IRAK4: variants seen among roughly 807,000 people sequenced by gnomAD.
IRAK4 encodes the protein interleukin 1 receptor associated kinase 4.
A neutral mutation model predicts 51.8 loss-of-function variants in IRAK4; 44 were observed. The observed-to-expected ratio is 0.85, with a 90% CI of 0.67 to 1.09. The LOEUF is 1.09. Among genes scored for constraint, IRAK4 ranks in the 50% least tolerant of loss-of-function variants. The pLI, the probability that IRAK4 is intolerant of heterozygous loss-of-function variation, is 0.00. For missense variants in IRAK4, 487 were observed against 538.0 expected (o/e 0.91, Z 0.94); for synonymous variants, 149 against 174.1 (o/e 0.86, Z 1.13).
At chr12:43,776,995 A>G (rs1565676847) in intron 6 of IRAK4, among the ~76,000 whole-genome samples, 1 of 152,232 alleles carries the variant, frequency 6.6e-6, no homozygotes, top group Admixed American at 6.5e-5. Context: ...TATTTGTGCC[A>G]TCATTGAAAA....
At chr12:43,768,312 C>G (rs1940386902) in intron 2 of IRAK4, 40 bp downstream of exon 2, 1 of 1,444,246 alleles carries the variant, frequency 6.9e-7, no homozygotes, top group African/African-American at 1.4e-5. Flanking sequence ...ATTCTTACAT[C>G]ACAATATGGA....
At chr12:43,786,027 T>C (rs549159157) in intron 10 of IRAK4, among the ~76,000 whole-genome samples, 6 of 151,782 alleles carry the variant, frequency 4.0e-5, no homozygotes, top group South Asian at 2.1e-4. Context: ...GGATTTGTCC[T>C]GTATGTCTTC....
intron 4 of IRAK4, 60 bp downstream of exon 4, chr12:43,772,422 A>T (rs1940865478): frequency 4.2e-6 from 6 of 1,438,788 alleles, no homozygotes; most frequent in African/African-American, 1.4e-5. Flanking sequence ...CCAGTGCTTT[A>T]AAAGAAAGCT....
chr12:43,773,605 C>G (rs1007539452), intron 5 of IRAK4, among the ~76,000 whole-genome samples: 1 of 152,126 alleles, frequency 6.6e-6, no homozygotes, highest in South Asian at 2.1e-4. Flanking sequence ...AAGATAGTCA[C>G]TCTTTGTCAT....
chr12:43,759,183 T>A (rs1348375839), intron 1 of IRAK4, 167 bp downstream of exon 1: 1 of 152,224 alleles, frequency 6.6e-6, no homozygotes, highest in Non-Finnish European at 1.5e-5. Flanking sequence ...CAGAGCTTAC[T>A]CCAGAAGAAA....
Position 43,768,127 on chromosome 12 carries a change from A to C in IRAK4, c.16A>C (p.Thr6Pro), listed in dbSNP as rs780540482. Residue 6 changes from threonine (T) to proline (P), a missense_variant, in exon 2 of 12, where the codon ACA (threonine) becomes CCA (proline). Physicochemically the swap from Thr to Pro is conservative, Grantham distance 38. Coordinates refer to ENST00000613694, the MANE Select transcript of IRAK4 (RefSeq NM_016123.4). MNKPI[T>P]PSTYVRCLNV... ...GGAATAGAAGATGAACAAACCCATAACACCATCAACATATGTGCGCTGCCT... is the reference window on the plus strand; with the variant it reads ...GGAATAGAAGATGAACAAACCCATACCACCATCAACATATGTGCGCTGCCT... 2 of 1,613,650 alleles carry C rather than the reference A, an allele frequency of 1.2e-6. No individual in the cohort carries two copies. Among genetic ancestry groups the C allele is most frequent in the Admixed American group, 3.3e-5 (2 of 59,950 alleles).
In IRAK4 at chr12:43,772,983, G is replaced by T; in HGVS notation, c.562G>T (p.Gly188Cys). The change falls in exon 5 of 12, where the codon GGT becomes TGT. Residue 188 changes from glycine (G) to cysteine (C), a missense_variant. Coordinates refer to ENST00000613694, the MANE Select transcript of IRAK4 (RefSeq NM_016123.4). ...CTTTGATGAACGACCCATTTCTGTT[G>T]GTGGTAATAAAATGGGAGAGGGAGG... ...NNFDERPISV[G>C]GNKMGEGGFG... The T allele has an allele frequency of 6.2e-7, 1 of 1,611,906 alleles. No individual in the cohort carries two copies. The highest frequency in any genetic ancestry group is 8.5e-7 in the Non-Finnish European group (1 of 1,178,544).
Position 43,773,965 on chromosome 12 carries a change from A to G in IRAK4, c.652A>G (p.Met218Val), listed in dbSNP as rs1782601241. The G allele has an allele frequency of 6.3e-7, 1 of 1,589,594 alleles. No individual in the cohort carries two copies. Among genetic ancestry groups the G allele is most frequent in the East Asian group, 2.2e-5 (1 of 44,714 alleles). The change falls in exon 6 of 12, where the codon ATG becomes GTG. Residue 218 changes from methionine to valine, a missense_variant and splice_region_variant. Met to Val is a conservative substitution (Grantham distance 21). Coordinates refer to ENST00000613694, the MANE Select transcript of IRAK4 (RefSeq NM_016123.4). ...TTVAVKKLAAMVDITTEELKQ... is the reference protein window; with the variant it reads ...TTVAVKKLAAVVDITTEELKQ... ...TACATTGTATATTTTATTTTTTCAG[A>G]TGGTTGACATTACTACTGAAGAACT...
intron 8 of IRAK4, among the ~76,000 whole-genome samples, chr12:43,781,700 C>G (rs954665407): frequency 4.6e-5 from 7 of 152,298 alleles, no homozygotes; most frequent in Admixed American, 4.6e-4. Flanking sequence ...GATTTTAAGA[C>G]TCCGCCATGC....
At chr12:43,778,118 T>C in intron 7 of IRAK4, 75 bp from the exon 8 acceptor site, 1 of 869,082 alleles carries the variant, frequency 1.2e-6, no homozygotes, top group Non-Finnish European at 1.9e-6. Context: ...CCTAGAAAAA[T>C]ATTCTGTGTT....
chr12:43,782,550 G>C, intron 9 of IRAK4, 60 bp downstream of exon 9: 1 of 1,381,482 alleles, frequency 7.2e-7, no homozygotes, highest in Non-Finnish European at 1.0e-6. Context: ...TGAAAATGAA[G>C]AGAATATTAT....
intron 8 of IRAK4, among the ~76,000 whole-genome samples, chr12:43,778,564 A>G (rs1263893985): frequency 6.6e-6 from 1 of 152,090 alleles, no homozygotes; most frequent in Non-Finnish European, 1.5e-5. Context: ...CTTTTGCCTT[A>G]TGGAAATTAG....
intron 6 of IRAK4, among the ~76,000 whole-genome samples, chr12:43,775,302 A>G (rs192753956): frequency 3.5e-3 from 531 of 152,320 alleles, no homozygotes; most frequent in Non-Finnish European, 6.2e-3. Flanking sequence ...ATACAGGAAA[A>G]CATTTTTAAA....
At position 43,773,031 on chromosome 12, in the gene IRAK4, T is replaced by G. The variant is rs1940932293; in HGVS notation, c.610T>G (p.Tyr204Asp). 3 of 1,613,278 alleles carry G rather than the reference T, an allele frequency of 1.9e-6. No individual in the cohort carries two copies. The highest frequency in any genetic ancestry group is 1.7e-4 in the Middle Eastern group (1 of 6,056). ...EGGFGVVYKG[Y>D]VNNTTVAVKK... is the part of the protein sequence containing the mutation. ...AGGATTTGGAGTTGTATATAAAGGC[T>G]ACGTAAATAACACAACTGTGGCAGT... is the stretch of plus-strand genomic sequence containing the variant. Residue 204 changes from tyrosine to aspartate, a missense_variant, in exon 5 of 12, where the codon TAC becomes GAC. Coordinates refer to ENST00000613694, the MANE Select transcript of IRAK4 (RefSeq NM_016123.4).
chr12:43,786,870 T>G lies in IRAK4; in HGVS notation c.*155T>G, dbSNP rs1285299021. 3.0e-6 allele frequency: 2 copies of G among 662,326 alleles called. No homozygotes were observed. The highest frequency in any genetic ancestry group is 5.4e-5 in the East Asian group (2 of 36,976). 41.0% of individuals were successfully genotyped at this position (662,326 alleles called of 1,614,324 possible). ...AAGCATGGGTTGAACTTCCAAAATA[T>G]AAAAATAGAGCCACCATATCAACAC... On this transcript the variant is annotated 3_prime_UTR_variant, in exon 12 of 12. Transcript: ENST00000613694.
At chr12:43,785,108 G>T (rs1942092674) in intron 10 of IRAK4, among the ~76,000 whole-genome samples, 1 of 152,058 alleles carries the variant, frequency 6.6e-6, no homozygotes, top group Non-Finnish European at 1.5e-5. Context: ...AGAGAATCTT[G>T]CCTTGCTCAT....
intron 2 of IRAK4, 53 bp downstream of exon 2, chr12:43,768,325 G>T (rs1565666146): frequency 3.7e-6 from 5 of 1,360,194 alleles, no homozygotes; most frequent in African/African-American, 1.4e-5. Context: ...AATATGGAAT[G>T]ATTAATTGGT....
In IRAK4 at chr12:43,783,719, T is replaced by C; in HGVS notation, c.1183T>C (p.Leu395=). 1 of 1,598,924 alleles carries C rather than the reference T, an allele frequency of 6.3e-7. No individual in the cohort carries two copies. The change falls in exon 10 of 12, where the codon TTA becomes CTA. Residue 395 remains leucine, a synonymous_variant. Transcript: ENST00000613694. Reference sequence around the variant, plus strand: ...TGTGGATGAACACCGTGAACCTCAGTTATTGGTAAATGAAATATTCATTTT... The same window carrying C: ...TGTGGATGAACACCGTGAACCTCAGCTATTGGTAAATGAAATATTCATTTT... The part of the protein sequence containing the change: ...PAVDEHREPQ[L]LLDIKEEIED...
At chr12:43,771,077 G>A (rs1196360048) in intron 2 of IRAK4, 143 bp from the exon 3 acceptor site, 36 of 767,192 alleles carry the variant, frequency 4.7e-5, no homozygotes, top group African/African-American at 1.4e-4. Flanking sequence ...GCAGCCTCTC[G>A]ATCTTGGACT....
Sources: gnomAD v4.1 joint callset for allele counts (sites outside exome capture counted in the v4.1 genomes callset) on GRCh38, gnomAD v4.1.1 for gene constraint, MANE v1.5 for transcripts, NCBI Gene and HGNC (gene_info 2026-07-23, HGNC 2026-07-21) for gene names.